Variants in TSHR observed in about 807,000 individuals in gnomAD.
TSHR encodes the protein thyrotropin receptor.
Under a neutral mutation model 64.1 loss-of-function variants are expected in TSHR, and 51 were observed. The ratio of observed to expected loss-of-function variants is 0.80; its 90% CI spans 0.64 to 1.01. The LOEUF (loss-of-function observed/expected upper bound fraction) is 1.01, where lower values mean the gene tolerates loss of function less well. Ranked by LOEUF, TSHR falls within the 50% of genes least tolerant of loss-of-function variation. TSHR has a pLI of 0.00. For synonymous variants in TSHR, 361 were observed against 361.9 expected (o/e 1.00, Z 0.03); for missense variants, 877 against 942.8 (o/e 0.93, Z 0.91).
In TSHR at chr14:80,967,487, G is replaced by T. The variant is rs149375581; in HGVS notation, c.170+11637G>T. Among the ~76,000 whole-genome samples the T allele has an allele frequency of 1.2e-4, 19 of 152,108 alleles. 1 individual carries two copies. The East Asian group carries it at 3.7e-3, about 29-fold the overall frequency. On this transcript the variant is annotated intron_variant, in intron 1 of 9. Coordinates refer to ENST00000298171, the MANE Select transcript of TSHR (RefSeq NM_000369.5). ...TTTAGTATAGATGGGTTTTCACCAT[G>T]TTGGTCAGGCTGATCTCGAACTCCT...
chr14:80,960,942 A>G lies in TSHR; in HGVS notation c.170+5092A>G, dbSNP rs544428758. ...CCAGACTGTCTATGTGCTGCCATCA[A>G]TAATTTCCCAACTGTCCCTGTCTCT... is the stretch of plus-strand genomic sequence containing the variant. On this transcript the variant is annotated intron_variant, in intron 1 of 9. Coordinates refer to ENST00000298171, the MANE Select transcript of TSHR (RefSeq NM_000369.5). Among the ~76,000 whole-genome samples, 51 of 152,344 alleles carry G rather than the reference A, an allele frequency of 3.3e-4. 1 individual carries two copies. In the South Asian group the frequency reaches 9.3e-3, roughly 28 times the overall value.
At chr14:81,065,909 G>A (rs1252838603) in intron 2 of TSHR, among the ~76,000 whole-genome samples, 2 of 152,166 alleles carry the variant, frequency 1.3e-5, no homozygotes, top group Non-Finnish European at 2.9e-5. Context: ...AATTGTTAAT[G>A]GCACCTTGCT....
chr14:81,114,257 A>C (rs997355709), intron 8 of TSHR, among the ~76,000 whole-genome samples: 3 of 152,044 alleles, frequency 2.0e-5, no homozygotes, highest in African/African-American at 7.2e-5. Context: ...CTGCATTTCC[A>C]TCTGAGGTAC....
chr14:80,957,626 G>C (rs533542032), intron 1 of TSHR, among the ~76,000 whole-genome samples: 7 of 152,324 alleles, frequency 4.6e-5, no homozygotes, highest in African/African-American at 1.4e-4. Context: ...ATGTGGCTCT[G>C]ACAGTGAAAA....
At chr14:81,079,431 T>G (rs1444590290) in intron 3 of TSHR, among the ~76,000 whole-genome samples, 1 of 152,224 alleles carries the variant, frequency 6.6e-6, no homozygotes, top group Non-Finnish European at 1.5e-5. Flanking sequence ...ATACATACCT[T>G]GCAGAGCTCT....
intron 1 of TSHR, among the ~76,000 whole-genome samples, chr14:81,000,000 T>G (rs201525183): frequency 6.7e-6 from 1 of 150,138 alleles, no homozygotes; most frequent in African/African-American, 2.5e-5. Flanking sequence ...GGCATGATCT[T>G]GGCTCACTGC....
intron 1 of TSHR, chr14:81,051,932 T>C (rs1885456397): frequency 1.3e-5 from 2 of 152,106 alleles, no homozygotes; most frequent in Admixed American, 1.3e-4. Context: ...TTGATATGAG[T>C]CCCTTATCAA....
At chr14:81,038,812 T>A (rs1205285631) in intron 1 of TSHR, among the ~76,000 whole-genome samples, 1 of 150,648 alleles carries the variant, frequency 6.6e-6, no homozygotes, top group African/African-American at 2.4e-5. Context: ...AAGACATGGA[T>A]ATTTTCCTGG....
At chr14:80,991,572 G>T in intron 1 of TSHR, 1 of 398,538 alleles carries the variant, frequency 2.5e-6, no homozygotes, top group South Asian at 1.3e-4. Context: ...AAAAGTCTGG[G>T]AATTGGAGAT....
intron 1 of TSHR, chr14:81,050,536 T>C (rs1180139588): frequency 6.6e-6 from 1 of 152,218 alleles, no homozygotes; most frequent in African/African-American, 2.4e-5. Context: ...ATTTATGTTT[T>C]TGTTTAAAAC....
At chr14:80,996,651 C>G (rs1049440435) in intron 1 of TSHR, among the ~76,000 whole-genome samples, 1 of 152,128 alleles carries the variant, frequency 6.6e-6, no homozygotes, top group Admixed American at 6.6e-5. Flanking sequence ...TAAGCAGTGG[C>G]ACCACTACGA....
intron 9 of TSHR, among the ~76,000 whole-genome samples, chr14:81,141,582 A>G (rs1221700898): frequency 6.6e-6 from 1 of 152,158 alleles, no homozygotes; most frequent in Non-Finnish European, 1.5e-5. Flanking sequence ...TCCCTCTTGT[A>G]TTTTGCTTAC....
intron 8 of TSHR, among the ~76,000 whole-genome samples, chr14:81,138,354 C>A (rs1388004667): frequency 2.0e-5 from 3 of 151,936 alleles, no homozygotes; most frequent in African/African-American, 4.8e-5. Flanking sequence ...CCATACCCGG[C>A]TAATTTTTGT....
In TSHR at chr14:81,020,874, T is replaced by G. The variant is rs113270653; in HGVS notation, c.171-41274T>G. On this transcript the variant is annotated intron_variant, in intron 1 of 9. Transcript: ENST00000298171. ...GCTACAAAAGCTCTGAAAAGCCTGCTTCCATTTCCAACATCCTATCTTTGT... is the reference window on the plus strand; with the variant it reads ...GCTACAAAAGCTCTGAAAAGCCTGCGTCCATTTCCAACATCCTATCTTTGT... Among the ~76,000 whole-genome samples, 726 of 152,238 alleles carry G rather than the reference T, an allele frequency of 4.8e-3. 5 individuals are homozygous for G. The highest frequency in any genetic ancestry group is 0.015 in the African/African-American group (620 of 41,540).
chr14:81,103,881 C>T lies in TSHR; in HGVS notation c.615-4494C>T. On this transcript the variant is annotated intron_variant, in intron 7 of 9. Transcript: ENST00000298171. This position sits in a 1 kb window ranked among gnomAD's most constrained non-coding sequence, Gnocchi z 4.1. ...TACTATCTGACAGTAAACATTTAGG[C>T]AGGAATAAAAATACCATTTTGATAT... The T allele has an allele frequency of 1.0e-6, 1 of 985,396 alleles. No individual in the cohort carries two copies. Among genetic ancestry groups the T allele is most frequent in the Non-Finnish European group, 1.2e-6 (1 of 829,922 alleles). 61.0% of individuals were successfully genotyped at this position (985,396 alleles called of 1,614,324 possible).
At chr14:80,958,565 A>G (rs1886836845) in intron 1 of TSHR, among the ~76,000 whole-genome samples, 2 of 152,188 alleles carry the variant, frequency 1.3e-5, no homozygotes, top group South Asian at 4.1e-4. Flanking sequence ...TAGCAGGGAA[A>G]GGAAAGAAGA....
intron 8 of TSHR, among the ~76,000 whole-genome samples, chr14:81,115,886 C>A (rs978295625): frequency 1.3e-5 from 2 of 150,862 alleles, no homozygotes; most frequent in Admixed American, 1.3e-4. Flanking sequence ...CAACATTCTT[C>A]AAGAAAAGAA....
intron 2 of TSHR, among the ~76,000 whole-genome samples, chr14:81,067,438 A>G: frequency 6.7e-6 from 1 of 149,572 alleles, no homozygotes; most frequent in Non-Finnish European, 1.5e-5. Context: ...CACCCAAAGA[A>G]CTGGAAATTT....
chr14:81,045,026 A>AG (rs915291981), intron 1 of TSHR, among the ~76,000 whole-genome samples: 1 of 152,270 alleles, frequency 6.6e-6, no homozygotes, highest in Non-Finnish European at 1.5e-5. Flanking sequence ...GACTGAATAA[A>AG]GAAAATGTGG....
Sources: gnomAD v4.1 joint callset for allele counts (sites outside exome capture counted in the v4.1 genomes callset) on GRCh38, gnomAD v4.1.1 for gene constraint, Gnocchi (gnomAD v3.1) non-coding constraint, MANE v1.5 for transcripts, NCBI Gene and HGNC (gene_info 2026-07-23, HGNC 2026-07-21) for gene names.